The following IL9R variants were observed in gnomAD, a reference collection of about 807,000 sequenced individuals.
The protein encoded by IL9R is interleukin 9 receptor.
In IL9R, 54 loss-of-function variants were observed where a neutral mutation model predicts 56.3. The ratio of observed to expected loss-of-function variants is 0.96; its 90% CI spans 0.77 to 1.20. The LOEUF (loss-of-function observed/expected upper bound fraction) is 1.20. IL9R is among the 50% of genes most tolerant of loss of function. IL9R has a pLI of 0.00. For missense variants in IL9R, 545 were observed against 629.8 expected, an observed-to-expected ratio of 0.87 and a Z score of 1.44; for synonymous variants, 212 against 250.2, an observed-to-expected ratio of 0.85 and a Z score of 1.44.
At chrX:155,998,978 A>G (rs1173197487) in intron 1 of IL9R, among the ~76,000 whole-genome samples, 1 of 151,886 alleles carries the variant, frequency 6.6e-6, no homozygotes, top group East Asian at 1.9e-4. Context: ...CTGTGCCAAT[A>G]TCCTCACTCC....
intron 8 of IL9R, among the ~76,000 whole-genome samples, chrX:156,009,239 GTGGTGTGTGTGTCTGTGTGTGTGTGTT>G (rs1355932415): frequency 3.3e-3 from 9 of 2,688 alleles, no homozygotes; most frequent in African/African-American, 0.011. Context: ...GTGTGTTCGT[GTGGTGTGTGTGTCTGTGTGTGTGTGTT>G]TGTGTGTGTA....
In IL9R at chrX:156,010,153, G is replaced by A. The variant is rs781223342; in HGVS notation, c.1310G>A (p.Ser437Asn). The change falls in exon 9 of 9, where the codon AGC becomes AAC. Residue 437 changes from serine (S) to asparagine (N), a missense_variant. This residue lies in a region of IL9R where 114 missense variants were observed against 269.8 expected (regional missense o/e 0.42). Coordinates refer to ENST00000244174, the MANE Select transcript of IL9R (RefSeq NM_002186.3). Reference protein sequence around the residue: ...EGSRSSSSSSSSNNNNYCALG... With the variant: ...EGSRSSSSSSNSNNNNYCALG... Reference sequence around the variant, plus strand: ...AGCAGGAGCAGCAGCAGCAGCAGCAGCAGCAACAACAACAACTACTGTGCC... The same window carrying A: ...AGCAGGAGCAGCAGCAGCAGCAGCAACAGCAACAACAACAACTACTGTGCC... 29 of 1,550,488 alleles carry A rather than the reference G, an allele frequency of 1.9e-5. No homozygotes were observed. Among genetic ancestry groups the A allele is most frequent in the Non-Finnish European group, 2.5e-5 (29 of 1,165,150 alleles).
intron 1 of IL9R, among the ~76,000 whole-genome samples, chrX:155,999,133 C>T (rs1438303864): frequency 1.3e-5 from 2 of 152,020 alleles, no homozygotes; most frequent in African/African-American, 2.4e-5. Context: ...CATGAAGGAC[C>T]AGGCCTGTGA....
At chrX:155,998,269 G>GTA (rs1282757515) in intron 1 of IL9R, among the ~76,000 whole-genome samples, 4 of 152,014 alleles carry the variant, frequency 2.6e-5, no homozygotes, top group Non-Finnish European at 4.4e-5. Context: ...AGGAGGATGG[G>GTA]TATGCCCCAC....
intron 1 of IL9R, chrX:156,001,259 G>T (rs1308951090): frequency 1.1e-5 from 8 of 721,910 alleles, no homozygotes; most frequent in Middle Eastern, 3.9e-4. Context: ...CTCCACTGCT[G>T]GGGCAGCAGT....
intron 8 of IL9R, among the ~76,000 whole-genome samples, chrX:156,008,459 C>G (rs751077131): frequency 6.6e-6 from 1 of 152,088 alleles, no homozygotes; most frequent in South Asian, 2.1e-4. Context: ...GAACCATGAA[C>G]CGGGCATCTG....
intron 8 of IL9R, 185 bp downstream of exon 8, chrX:156,007,792 T>C (rs1231957217): frequency 3.1e-6 from 2 of 635,190 alleles, no homozygotes; most frequent in African/African-American, 2.4e-5. Flanking sequence ...AAAAATTAGC[T>C]TTATTTTCCA....
chrX:156,006,164 A>G lies in IL9R; in HGVS notation c.863A>G (p.Tyr288Cys), dbSNP rs149119910. Residue 288 changes from tyrosine to cysteine, a missense_variant, in exon 7 of 9, where the codon TAC (tyrosine) becomes TGC (cysteine). Coordinates refer to ENST00000244174, the MANE Select transcript of IL9R (RefSeq NM_002186.3). Reference sequence around the variant, plus strand: ...TTTCTCCTGCTGACTGGCCCGACCTACCTCCTGTTCAAGCTGTCGCCCAGG... The same window carrying G: ...TTTCTCCTGCTGACTGGCCCGACCTGCCTCCTGTTCAAGCTGTCGCCCAGG... ...SIFLLLTGPT[Y>C]LLFKLSPRVK... 1.1e-3 allele frequency: 1,595 copies of G among 1,437,892 alleles called. 7 individuals carry two copies. The African/African-American group carries it at 0.02, about 18-fold the overall frequency. 89.1% of individuals were successfully genotyped at this position (1,437,892 alleles called of 1,614,324 possible).
At chrX:156,004,771 C>G (rs920248676) in intron 5 of IL9R, among the ~76,000 whole-genome samples, 2 of 152,072 alleles carry the variant, frequency 1.3e-5, no homozygotes, top group African/African-American at 4.8e-5. Flanking sequence ...GCGCCTGTGT[C>G]TCTGTGTGTG....
In IL9R at chrX:156,003,847, G is replaced by A. The variant is rs1166142419; in HGVS notation, c.425G>A (p.Arg142Gln). 5.6e-6 allele frequency: 9 copies of A among 1,613,750 alleles called. No homozygotes were observed. Among genetic ancestry groups the A allele is most frequent in the Admixed American group, 1.7e-5 (1 of 59,986 alleles). ...VSLVDPEYLP[R>Q]RHVKLDPPSD... ...CTGGTGGACCCGGAGTACCTGCCCC[G>A]GAGACACGGTGAGCAGCAGCTATAG... The change falls in exon 4 of 9, where the codon CGG becomes CAG. Residue 142 changes from arginine to glutamine, a missense_variant. By Grantham distance (43) the Arg-to-Gln change is conservative (BLOSUM62 1). Around this residue, in one of 2 missense-constraint regions of IL9R, gnomAD observed 431 missense variants for 360.0 expected, o/e 1.20. Coordinates refer to ENST00000244174, the MANE Select transcript of IL9R (RefSeq NM_002186.3).
Position 156,005,349 on chromosome X carries a change from C to T in IL9R, c.651C>T (p.Gly217=), listed in dbSNP as rs150608249. Residue 217 remains glycine, a synonymous_variant, in exon 6 of 9, where the codon GGC becomes GGT. Coordinates refer to ENST00000244174, the MANE Select transcript of IL9R (RefSeq NM_002186.3). ...TTGAAGCCTTTGAGCTGGACCCTGG[C>T]TTTATCCATGAGGCCAGGCTGCGTG... ...LILEAFELDP[G]FIHEARLRVQ... is the part of the protein sequence containing the mutation. 26,376 of 1,612,568 alleles carry T rather than the reference C, an allele frequency of 0.016. 1,330 individuals carry two copies. The East Asian group carries it at 0.21, about 13-fold the overall frequency.
chrX:155,999,984 G>C (rs986009777), intron 1 of IL9R, among the ~76,000 whole-genome samples: 46 of 151,888 alleles, frequency 3.0e-4, no homozygotes, highest in African/African-American at 1.1e-3. Context: ...AAATTAGCCA[G>C]GCGTGGTGAC....
At chrX:156,009,248 GTGTC>G (rs1569479056) in intron 8 of IL9R, among the ~76,000 whole-genome samples, 60 of 94,944 alleles carry the variant, frequency 6.3e-4, no homozygotes, top group East Asian at 2.3e-3. Flanking sequence ...TGTGGTGTGT[GTGTC>G]TGTGTGTGTG....
intron 8 of IL9R, among the ~76,000 whole-genome samples, chrX:156,009,139 T>TTG (rs1241751830): frequency 4.0e-5 from 4 of 99,282 alleles, no homozygotes; most frequent in Non-Finnish European, 9.0e-5. Context: ...GTGTGTGTGT[T>TTG]TGTGTGTGTG....
At chrX:156,008,619 G>A (rs1366851747) in intron 8 of IL9R, among the ~76,000 whole-genome samples, 2 of 152,112 alleles carry the variant, frequency 1.3e-5, no homozygotes, top group Non-Finnish European at 2.9e-5. Flanking sequence ...TAGAGAACTA[G>A]GACACCTGCC....
rs1472042623 is a variant in IL9R, at chrX:156,003,443, C to A, written c.143-6C>A. On this transcript the variant is annotated splice_polypyrimidine_tract_variant and splice_region_variant and intron_variant, in intron 2 of 8. Coordinates refer to ENST00000244174, the MANE Select transcript of IL9R (RefSeq NM_002186.3). ...ACCGTGGGCTCCTGATGGTCACTGT[C>A]TCCAGGGCCAAGGTCTAGAACCTTC... 10 of 1,605,130 alleles carry A rather than the reference C, an allele frequency of 6.2e-6. No individual in the cohort carries two copies. The highest frequency in any genetic ancestry group is 8.5e-6 in the Non-Finnish European group (10 of 1,173,752).
At chrX:156,001,494 C>A (rs752401691) in intron 1 of IL9R, 1 of 1,607,732 alleles carries the variant, frequency 6.2e-7, no homozygotes, top group African/African-American at 1.3e-5. Flanking sequence ...GCTGCACGCT[C>A]CATTCTAGGA....
intron 1 of IL9R, 34 bp from the exon 2 acceptor site, chrX:156,002,872 A>T: frequency 6.2e-7 from 1 of 1,613,158 alleles, no homozygotes; most frequent in Non-Finnish European, 8.5e-7. Flanking sequence ...GAGAGGGATG[A>T]TTTGCACAGG....
intron 4 of IL9R, 79 bp downstream of exon 4, chrX:156,003,934 T>C: frequency 6.9e-7 from 1 of 1,448,440 alleles, no homozygotes; most frequent in Admixed American, 1.9e-5. Flanking sequence ...AGCAGGGCCT[T>C]GCAGCCTGTG....
Sources: gnomAD v4.1 joint callset for allele counts (sites outside exome capture counted in the v4.1 genomes callset) on GRCh38, gnomAD v4.1.1 for gene constraint, gnomAD v4.1.1 regional missense constraint, MANE v1.5 for transcripts, NCBI Gene and HGNC (gene_info 2026-07-23, HGNC 2026-07-21) for gene names.